CYP3A7: variants seen among roughly 807,000 people sequenced by gnomAD.
CYP3A7 encodes cytochrome P450 family 3 subfamily A member 7.
A neutral mutation model predicts 55.2 loss-of-function variants in CYP3A7; 45 were observed. The observed-to-expected ratio is 0.82, with a 90% CI of 0.64 to 1.05. The LOEUF is 1.05. Ranked by LOEUF, CYP3A7 falls within the 50% of genes least tolerant of loss-of-function variation. CYP3A7 has a pLI of 0.00. For synonymous variants in CYP3A7, 180 were observed against 207.4 expected (o/e 0.87, Z 1.13); for missense variants, 548 against 605.3 (o/e 0.91, Z 0.99).
Position 99,705,547 on chromosome 7 carries a change from T to C in CYP3A7, c.1465A>G (p.Ile489Val), listed in dbSNP as rs770226567. The change falls in exon 13 of 13, where the codon ATT becomes GTT. Residue 489 changes from isoleucine (I) to valine (V), a missense_variant. Physicochemically the swap from Ile to Val is conservative, Grantham distance 29. Coordinates refer to ENST00000336374, the MANE Select transcript of CYP3A7 (RefSeq NM_000765.5). Reference sequence around the variant, plus strand: ...TCCCTTGACTCAGCCTTTAGAACAATGGGTTTTTCTGTTAGAAGAAGTCCT... The same window carrying C: ...TCCCTTGACTCAGCCTTTAGAACAACGGGTTTTTCTGTTAGAAGAAGTCCT... ...FGGLLLTEKP[I>V]VLKAESRDET... 2 of 1,613,568 alleles carry C rather than the reference T, an allele frequency of 1.2e-6. No homozygotes were observed. The highest frequency in any genetic ancestry group is 2.2e-5 in the South Asian group (2 of 91,084).
At position 99,714,555 on chromosome 7, in the gene CYP3A7, C is replaced by T; in HGVS notation, c.798G>A (p.Lys266=). 1.2e-6 allele frequency: 2 copies of T among 1,612,484 alleles called. No individual in the cohort carries two copies. Among genetic ancestry groups the T allele is most frequent in the Non-Finnish European group, 1.7e-6 (2 of 1,179,354 alleles). The change falls in exon 8 of 13, where the codon AAG becomes AAA. Residue 266 remains lysine (K), a splice_region_variant and synonymous_variant. Coordinates refer to ENST00000336374, the MANE Select transcript of CYP3A7 (RefSeq NM_000765.5). ...TCCTATAACTACCACCACGTTTTAC[C>T]TTTTGTGTCTCTTTGAGGCGACCTT... is the stretch of plus-strand genomic sequence containing the variant. ...IKEGRLKETQ[K]HRVDFLQLMI...
At position 99,714,566 on chromosome 7, in the gene CYP3A7, C is replaced by CT; in HGVS notation, c.786dup (p.Glu263ArgfsTer15). 6.2e-7 allele frequency: 1 copy of CT among 1,612,872 alleles called. No homozygotes were observed. Among genetic ancestry groups the CT allele is most frequent in the Non-Finnish European group, 8.5e-7 (1 of 1,179,458 alleles). On this transcript the variant is annotated frameshift_variant, in exon 8 of 13. Coordinates refer to ENST00000336374, the MANE Select transcript of CYP3A7 (RefSeq NM_000765.5). LOFTEE classifies it high-confidence loss of function. ...CCACCACGTTTTACCTTTTGTGTCT[C>CT]TTTGAGGCGACCTTCTTTTATCTGT...
rs1172926996 is a variant in CYP3A7, at chr7:99,720,414, T to A, written c.219-2A>T. The A allele has an allele frequency of 6.2e-7, 1 of 1,613,512 alleles. No homozygotes were observed. The highest frequency in any genetic ancestry group is 8.5e-7 in the Non-Finnish European group (1 of 1,179,554). On this transcript the variant is annotated splice_acceptor_variant, in intron 3 of 12. Transcript: ENST00000336374. LOFTEE classifies it high-confidence loss of function. The stretch of plus-strand genomic sequence containing the variant: ...ATAGGCTGTTGACAGTCATAAATAC[T>A]GTGTGGAGAAAACAGAGTTGATTAA...
chr7:99,722,231 C>T (rs1814230316), intron 3 of CYP3A7, 65 bp downstream of exon 3: 3 of 1,601,234 alleles, frequency 1.9e-6, no homozygotes, highest in Admixed American at 1.7e-5. Context: ...AGACTATCCT[C>T]TGTGCAGTGG....
At chr7:99,731,038 A>G (rs773067644) in intron 2 of CYP3A7, 21 bp downstream of exon 2, 1 of 1,613,354 alleles carries the variant, frequency 6.2e-7, no homozygotes, top group African/African-American at 1.3e-5. Flanking sequence ...GAAGCAAAAG[A>G]GGAAGCTCAA....
chr7:99,711,007 C>T, intron 9 of CYP3A7, 115 bp from the exon 10 acceptor site: 1 of 1,545,228 alleles, frequency 6.5e-7, no homozygotes, highest in Non-Finnish European at 8.8e-7. Flanking sequence ...AATAGAAAAG[C>T]AATTCAGAGT....
At position 99,705,394 on chromosome 7, in the gene CYP3A7, A is replaced by G; in HGVS notation, c.*106T>C. ...CCTGATTATTTATGCAGCACATTGG[A>G]TGAAGCCCGTCTTCATTTCAGGGTT... is the stretch of plus-strand genomic sequence containing the variant. On this transcript the variant is annotated 3_prime_UTR_variant, in exon 13 of 13. Transcript: ENST00000336374. 4 of 1,278,602 alleles carry G rather than the reference A, an allele frequency of 3.1e-6. No individual in the cohort carries two copies. The highest frequency in any genetic ancestry group is 4.5e-6 in the Non-Finnish European group (4 of 887,516). The allele number at this position is 1,278,602 out of a possible 1,614,324, so 79.2% of individuals were successfully genotyped here.
chr7:99,709,176 A>G lies in CYP3A7; in HGVS notation c.1112T>C (p.Met371Thr). 1.9e-6 allele frequency: 3 copies of G among 1,614,050 alleles called. No individual in the cohort carries two copies. Among genetic ancestry groups the G allele is most frequent in the Non-Finnish European group, 2.5e-6 (3 of 1,179,948 alleles). ...NETLRLFPVA[M>T]RLERVCKKDV... ...TTTTTTGCAGACCCTCTCAAGTCTC[A>G]TAGCAACTGGGAATAATCTGAGTGT... Residue 371 changes from methionine (M) to threonine (T), a missense_variant, in exon 11 of 13, where the codon ATG (methionine) becomes ACG (threonine). By Grantham distance (81) the Met-to-Thr change is moderately conservative. Transcript: ENST00000336374.
In CYP3A7 at chr7:99,735,182, G is replaced by T; in HGVS notation, c.-89C>A. On this transcript the variant is annotated 5_prime_UTR_variant, in exon 1 of 13. Transcript: ENST00000336374. ...TGGGCTGTGTGTGTGGAGCTTTCCT[G>T]CCCTGCACAGCAGTGATTCAGTGAG... 1 of 1,525,188 alleles carries T rather than the reference G, an allele frequency of 6.6e-7. No homozygotes were observed. The highest frequency in any genetic ancestry group is 9.0e-7 in the Non-Finnish European group (1 of 1,106,730). 94.5% of individuals were successfully genotyped at this position (1,525,188 alleles called of 1,614,324 possible). A position where few individuals can be genotyped will look rare whatever the true frequency, so the allele number is the denominator to read the frequency against.
At chr7:99,731,214 G>A (rs1814603962) in intron 1 of CYP3A7, 62 bp from the exon 2 acceptor site, 2 of 1,590,620 alleles carry the variant, frequency 1.3e-6, no homozygotes, top group South Asian at 1.1e-5. Flanking sequence ...AGGGGCTGGT[G>A]AGTCACTGAC....
Position 99,720,337 on chromosome 7 carries a change from A to G in CYP3A7, c.294T>C (p.Cys98=), listed in dbSNP as rs200260866. The part of the protein sequence containing the change: ...DMIKTVLVKE[C]YSVFTNRRPF... Reference sequence around the variant, plus strand: ...CCCTCCGGTTTGTGAAGACAGAATAACATTCTTTCACTAGCACTGTTTTGA... The same window carrying G: ...CCCTCCGGTTTGTGAAGACAGAATAGCATTCTTTCACTAGCACTGTTTTGA... Residue 98 remains cysteine, a synonymous_variant, in exon 4 of 13, where the codon TGT becomes TGC. Coordinates refer to ENST00000336374, the MANE Select transcript of CYP3A7 (RefSeq NM_000765.5). 6.2e-7 allele frequency: 1 copy of G among 1,613,478 alleles called. No individual in the cohort carries two copies.
intron 1 of CYP3A7, among the ~76,000 whole-genome samples, chr7:99,732,869 A>G (rs898758957): frequency 6.6e-6 from 1 of 152,010 alleles, no homozygotes; most frequent in Non-Finnish European, 1.5e-5. Flanking sequence ...AAGATGGAGT[A>G]TTCCACATAA....
chr7:99,732,360 C>A (rs60298785), intron 1 of CYP3A7, among the ~76,000 whole-genome samples: 6,800 of 152,266 alleles, frequency 0.045, 468 homozygotes, highest in East Asian at 0.25. Flanking sequence ...CCAATTAAAT[C>A]TCTTTCCTTT....
At chr7:99,715,689 G>A in intron 7 of CYP3A7, 69 bp downstream of exon 7, 1 of 1,609,156 alleles carries the variant, frequency 6.2e-7, no homozygotes, top group South Asian at 1.1e-5. Context: ...ATTACATGGT[G>A]ATTTACATCT....
intron 12 of CYP3A7, among the ~76,000 whole-genome samples, chr7:99,707,127 A>G (rs1354152465): frequency 6.6e-6 from 1 of 152,222 alleles, no homozygotes; most frequent in Admixed American, 6.5e-5. Context: ...AGGAGAAGAA[A>G]GGAAAGAAGA....
In CYP3A7 at chr7:99,714,659, T is replaced by C. The variant is rs1563021617; in HGVS notation, c.694A>G (p.Ile232Val). 3.1e-6 allele frequency: 5 copies of C among 1,612,742 alleles called. No individual in the cohort carries two copies. In the Admixed American group the frequency reaches 6.7e-5, roughly 22 times the overall value. Residue 232 changes from isoleucine (I) to valine (V), a missense_variant, in exon 8 of 13, where the codon ATT becomes GTT. Ile to Val is a conservative substitution (Grantham distance 29). Transcript: ENST00000336374. ...SIKVFPFLTP[I>V]LEALNITVFP... Reference sequence around the variant, plus strand: ...ACAGTGATATTTAATGCTTCAAGAATTGGGGTAAGGAATGGAAAGACTTCT... The same window carrying C: ...ACAGTGATATTTAATGCTTCAAGAACTGGGGTAAGGAATGGAAAGACTTCT...
intron 6 of CYP3A7, among the ~76,000 whole-genome samples, 171 bp from the exon 7 acceptor site, chr7:99,716,077 G>A (rs1237089282): frequency 6.6e-6 from 1 of 152,146 alleles, no homozygotes; most frequent in Non-Finnish European, 1.5e-5. Context: ...TGATTATCAG[G>A]TGTCAGTGAC....
chr7:99,734,908 A>C, intron 1 of CYP3A7, 115 bp downstream of exon 1: 1 of 1,528,182 alleles, frequency 6.5e-7, no homozygotes, highest in Non-Finnish European at 9.0e-7. Context: ...GGTGTGAGCC[A>C]CCACGGCCAG....
At chr7:99,718,123 G>C (rs768220182) in intron 4 of CYP3A7, among the ~76,000 whole-genome samples, 1 of 152,132 alleles carries the variant, frequency 6.6e-6, no homozygotes, top group South Asian at 2.1e-4. Flanking sequence ...GGCCTGTTGT[G>C]GGGTGGGGAG....
Sources: gnomAD v4.1 joint callset for allele counts (sites outside exome capture counted in the v4.1 genomes callset) on GRCh38, gnomAD v4.1.1 for gene constraint, MANE v1.5 for transcripts, NCBI Gene and HGNC (gene_info 2026-07-23, HGNC 2026-07-21) for gene names.